Variants in TTC39B observed in about 807,000 individuals in gnomAD.
TTC39B encodes the protein tetratricopeptide repeat domain 39B.
In TTC39B, 92 loss-of-function variants were observed where a neutral mutation model predicts 96.6. The ratio of observed to expected loss-of-function variants is 0.95; its 90% CI spans 0.80 to 1.13. The LOEUF (loss-of-function observed/expected upper bound fraction) is 1.13, where lower values mean the gene tolerates loss of function less well. Among genes scored for constraint, TTC39B ranks in the 50% most tolerant of loss-of-function variants. The pLI is 0.00. For synonymous variants in TTC39B, 367 were observed against 299.4 expected, an observed-to-expected ratio of 1.23 and a Z score of -2.33; for missense variants, 955 against 809.3, an observed-to-expected ratio of 1.18 and a Z score of -2.18.
intron 1 of TTC39B, among the ~76,000 whole-genome samples, chr9:15,269,272 T>G (rs1043394296): frequency 6.6e-6 from 1 of 152,226 alleles, no homozygotes; most frequent in African/African-American, 2.4e-5. Context: ...GTTTACTTGG[T>G]CACCCTCTGT....
intron 1 of TTC39B, among the ~76,000 whole-genome samples, chr9:15,270,475 C>G (rs752864724): frequency 4.1e-4 from 63 of 152,234 alleles, no homozygotes; most frequent in Non-Finnish European, 7.2e-4. Context: ...CTCCTCCTCA[C>G]AAACCTCAGC....
chr9:15,250,676 T>C (rs1170246073), intron 2 of TTC39B, among the ~76,000 whole-genome samples: 1 of 152,208 alleles, frequency 6.6e-6, no homozygotes, highest in Non-Finnish European at 1.5e-5. Context: ...GAAGTGGTTT[T>C]GATGAAACTA....
At chr9:15,172,218 A>C in intron 19 of TTC39B, 109 bp from the exon 20 acceptor site, 3 of 675,184 alleles carry the variant, frequency 4.4e-6, no homozygotes, top group East Asian at 3.2e-5. Context: ...AAACTCTAAT[A>C]TACATAACCG....
At chr9:15,163,946 T>C (rs778899146) in exon 20 of TTC39B, 1 of 152,276 alleles carries the variant, frequency 6.6e-6, no homozygotes, top group African/African-American at 2.4e-5. Context: ...TCATAGACAA[T>C]AACATTAACA....
At chr9:15,248,343 TA>T in intron 2 of TTC39B, among the ~76,000 whole-genome samples, 1 of 152,320 alleles carries the variant, frequency 6.6e-6, no homozygotes, top group East Asian at 1.9e-4. Flanking sequence ...CTTTCCAGCT[TA>T]AGCATTCTAG....
chr9:15,214,134 A>G lies in TTC39B; in HGVS notation c.482+5T>C. ...ATTTTATCTAAAAGAGACAAAGTAA[A>G]TTACCAGGGGCGAAGCAATTCTAAG... On this transcript the variant is annotated splice_donor_5th_base_variant and intron_variant, in intron 4 of 19. Coordinates refer to ENST00000512701, the Ensembl canonical transcript of TTC39B. The G allele has an allele frequency of 6.2e-7, 1 of 1,603,972 alleles. No homozygotes were observed. The highest frequency in any genetic ancestry group is 1.1e-5 in the South Asian group (1 of 90,588).
intron 17 of TTC39B, among the ~76,000 whole-genome samples, chr9:15,181,101 C>A (rs1044273061): frequency 1.1e-4 from 17 of 152,132 alleles, no homozygotes; most frequent in Non-Finnish European, 1.5e-5. Flanking sequence ...TATTTCCCCT[C>A]GAATTTTGCC....
rs568097555 is a variant in TTC39B, at chr9:15,218,075, G to C, written c.372-3826C>G. Among the ~76,000 whole-genome samples the C allele has an allele frequency of 2.2e-4, 33 of 150,362 alleles. No homozygotes were observed. In the South Asian group the frequency reaches 4.8e-3, roughly 22 times the overall value. On this transcript the variant is annotated intron_variant, in intron 3 of 19. Transcript: ENST00000512701. ...ATACAAAAATTAGCTGGGCATGGTG[G>C]CTCACACCTGTAATCCCAACCACTG...
At chr9:15,217,158 G>C (rs1820567969) in intron 3 of TTC39B, among the ~76,000 whole-genome samples, 1 of 152,206 alleles carries the variant, frequency 6.6e-6, no homozygotes, top group Non-Finnish European at 1.5e-5. Flanking sequence ...TAGTGGCAGA[G>C]AGGATGTATT....
intron 8 of TTC39B, among the ~76,000 whole-genome samples, chr9:15,197,313 C>T (rs746215114): frequency 5.3e-5 from 8 of 152,212 alleles, no homozygotes; most frequent in African/African-American, 2.4e-5. Context: ...ATTTAACATT[C>T]GTTTATACCT....
intron 2 of TTC39B, 58 bp from the exon 3 acceptor site, chr9:15,226,070 T>C: frequency 6.9e-7 from 1 of 1,451,936 alleles, no homozygotes; most frequent in Non-Finnish European, 9.6e-7. Flanking sequence ...GAGAAAAGTC[T>C]ACACCAGTGC....
intron 7 of TTC39B, among the ~76,000 whole-genome samples, chr9:15,203,293 CAAGG>C (rs1564341958): frequency 6.6e-6 from 1 of 152,158 alleles, no homozygotes; most frequent in African/African-American, 2.4e-5. Flanking sequence ...CTCTGTCACC[CAAGG>C]TGAAGTGCAG....
chr9:15,195,838 T>A (rs1223613978), intron 8 of TTC39B, among the ~76,000 whole-genome samples: 1 of 152,190 alleles, frequency 6.6e-6, no homozygotes, highest in East Asian at 1.9e-4. Flanking sequence ...GAAGATGCTA[T>A]CTAGAACTTT....
intron 2 of TTC39B, among the ~76,000 whole-genome samples, chr9:15,261,431 C>T (rs12349503): frequency 0.11 from 16,731 of 151,894 alleles, 1,387 homozygotes; most frequent in African/African-American, 0.24. Flanking sequence ...GTTGAGAACG[C>T]GCCACTACAC....
chr9:15,268,129 C>T (rs55768558), intron 1 of TTC39B, among the ~76,000 whole-genome samples, 181 bp from the exon 2 acceptor site: 35 of 152,100 alleles, frequency 2.3e-4, no homozygotes, highest in African/African-American at 8.4e-4. Context: ...CAAGCAGATG[C>T]ATTTCAGTGA....
At chr9:15,189,849 C>T (rs1308771068) in intron 11 of TTC39B, 57 bp from the exon 12 acceptor site, 2 of 1,228,672 alleles carry the variant, frequency 1.6e-6, no homozygotes, top group Non-Finnish European at 2.4e-6. Context: ...TATTTATAAC[C>T]AGCTCTCCAA....
intron 1 of TTC39B, among the ~76,000 whole-genome samples, chr9:15,292,279 A>T (rs1322603174): frequency 6.6e-6 from 1 of 152,176 alleles, no homozygotes; most frequent in African/African-American, 2.4e-5. Context: ...GTGGTCCCAT[A>T]AGATTGGAGT....
chr9:15,173,027 G>A (rs1817742984), intron 19 of TTC39B, among the ~76,000 whole-genome samples: 1 of 152,128 alleles, frequency 6.6e-6, no homozygotes, highest in African/African-American at 2.4e-5. Context: ...TGGAATTACT[G>A]GGAAGTATCT....
exon 20 of TTC39B, chr9:15,167,379 A>G (rs1466941353): frequency 1.3e-5 from 2 of 151,676 alleles, no homozygotes; most frequent in Non-Finnish European, 2.9e-5. Flanking sequence ...ATACTGGCCT[A>G]GTTGAGAAAG....
Sources: allele counts gnomAD v4.1 joint callset (sites outside exome capture counted in the v4.1 genomes callset), GRCh38; gene constraint gnomAD v4.1.1; transcripts MANE v1.5; gene names NCBI Gene and HGNC (gene_info 2026-07-23, HGNC 2026-07-21).